The following ARHGAP20 variants were observed in gnomAD, a reference collection of about 807,000 sequenced individuals.
ARHGAP20 encodes the protein rho GTPase-activating protein 20.
In ARHGAP20, 34 loss-of-function variants were observed where a neutral mutation model predicts 73.7. That is an observed-to-expected ratio of 0.46 (90% confidence interval 0.35 to 0.61). The LOEUF (loss-of-function observed/expected upper bound fraction) is 0.61, where lower values mean the gene tolerates loss of function less well. Among genes scored for constraint, ARHGAP20 ranks in the 20% least tolerant of loss-of-function variants. The probability of loss-of-function intolerance (pLI) is 0.00; values close to 1 mark genes in which losing one functional copy is unlikely to be tolerated. For synonymous variants in ARHGAP20, 523 were observed against 518.2 expected (o/e 1.01, Z -0.13); for missense variants, 1,314 against 1,420.9 (o/e 0.92, Z 1.21).
chr11:110,629,672 G>A (rs940523471), intron 3 of ARHGAP20, among the ~76,000 whole-genome samples: 6 of 152,206 alleles, frequency 3.9e-5, no homozygotes, highest in East Asian at 1.9e-4. Context: ...ATTCTACACC[G>A]TTTCTTATAA....
At chr11:110,635,107 G>T (rs184906867) in intron 2 of ARHGAP20, among the ~76,000 whole-genome samples, 1 of 152,124 alleles carries the variant, frequency 6.6e-6, no homozygotes, top group Non-Finnish European at 1.5e-5. Flanking sequence ...TATGTTTCTT[G>T]GGTTTGAATA....
At chr11:110,648,158 T>C (rs1423680245) in intron 2 of ARHGAP20, among the ~76,000 whole-genome samples, 1 of 81,516 alleles carries the variant, frequency 1.2e-5, no homozygotes, top group Non-Finnish European at 2.6e-5. Context: ...ATATATAATA[T>C]ATATATATAT....
chr11:110,659,109 G>A (rs1216883326), intron 2 of ARHGAP20, among the ~76,000 whole-genome samples: 1 of 149,460 alleles, frequency 6.7e-6, no homozygotes, highest in African/African-American at 2.5e-5. Flanking sequence ...GGTATTTCCA[G>A]TTCTAGATCC....
At chr11:110,707,206 C>T (rs138153593) in intron 1 of ARHGAP20, among the ~76,000 whole-genome samples, 11 of 152,178 alleles carry the variant, frequency 7.2e-5, no homozygotes, top group African/African-American at 2.6e-4. Context: ...AACACTCATC[C>T]TATTTAAAGA....
Position 110,619,541 on chromosome 11 carries a change from G to A in ARHGAP20, c.504-3947C>T, listed in dbSNP as rs1188303732. 2.0e-5 allele frequency among the ~76,000 whole-genome samples: 3 copies of A among 151,450 alleles called. No homozygotes were observed. The East Asian group carries it at 5.9e-4, about 30-fold the overall frequency. ...TATGCAGTGATAGGGTATATGCAGT[G>A]ATAGAGTATATGCAGTGATAGAGTA... On this transcript the variant is annotated intron_variant, in intron 4 of 14. Coordinates refer to ENST00000683387, the MANE Select transcript of ARHGAP20 (RefSeq NM_001384657.1).
intron 1 of ARHGAP20, among the ~76,000 whole-genome samples, chr11:110,705,698 A>G (rs541801694): frequency 2.6e-5 from 4 of 152,268 alleles, no homozygotes; most frequent in African/African-American, 9.6e-5. Flanking sequence ...TTTCCTCCAG[A>G]CTCAGTGGAG....
chr11:110,625,508 A>AT (rs1948725170), intron 3 of ARHGAP20, among the ~76,000 whole-genome samples: 1 of 152,072 alleles, frequency 6.6e-6, no homozygotes, highest in African/African-American at 2.4e-5. Context: ...TTGTTCAACC[A>AT]TTTCCCCTTA....
At position 110,677,563 on chromosome 11, in the gene ARHGAP20, T is replaced by C. The variant is rs1163940264; in HGVS notation, c.188+12984A>G. On this transcript the variant is annotated intron_variant, in intron 2 of 14. Transcript: ENST00000683387. ...AGGAGGGTGAGGTGGGAAGATTGCT[T>C]GAGCCCAGGATTTTGAGGCTGAAGT... is the stretch of plus-strand genomic sequence containing the variant. 3.3e-5 allele frequency among the ~76,000 whole-genome samples: 5 copies of C among 152,256 alleles called. No individual in the cohort carries two copies. In the East Asian group the frequency reaches 9.6e-4, roughly 29 times the overall value.
At chr11:110,647,951 A>C (rs536547316) in intron 2 of ARHGAP20, among the ~76,000 whole-genome samples, 2 of 152,008 alleles carry the variant, frequency 1.3e-5, no homozygotes, top group South Asian at 4.1e-4. Flanking sequence ...TGTTGAAGTT[A>C]AGAATCCATT....
chr11:110,605,326 C>T (rs1250464131), intron 9 of ARHGAP20, among the ~76,000 whole-genome samples: 1 of 152,016 alleles, frequency 6.6e-6, no homozygotes, highest in Non-Finnish European at 1.5e-5. Flanking sequence ...CTCTTTTTGT[C>T]CAATAAAATG....
At chr11:110,660,416 T>C (rs761169456) in intron 2 of ARHGAP20, among the ~76,000 whole-genome samples, 10 of 152,184 alleles carry the variant, frequency 6.6e-5, no homozygotes, top group Non-Finnish European at 1.3e-4. Context: ...TGGTAAGCCA[T>C]GTGCTGAAAA....
intron 1 of ARHGAP20, among the ~76,000 whole-genome samples, chr11:110,698,720 A>G (rs1001218502): frequency 7.2e-5 from 11 of 151,930 alleles, no homozygotes; most frequent in African/African-American, 2.7e-4. Flanking sequence ...TGTTCACAGT[A>G]GTCTGTGATG....
At chr11:110,711,665 AGC>A (rs1565490970) in intron 1 of ARHGAP20, 9 of 1,464,816 alleles carry the variant, frequency 6.1e-6, no homozygotes, top group Non-Finnish European at 8.1e-6. Context: ...TACCTTCTTC[AGC>A]GCCGGCTGCC....
chr11:110,683,006 A>G (rs1950065285), intron 2 of ARHGAP20, among the ~76,000 whole-genome samples: 2 of 151,204 alleles, frequency 1.3e-5, no homozygotes, highest in Non-Finnish European at 3.0e-5. Flanking sequence ...ATTTAAAAGT[A>G]CCTAGCACAA....
Position 110,578,099 on chromosome 11 carries a change from A to G in ARHGAP20, c.*1271T>C. The G allele has an allele frequency of 1.0e-6, 1 of 985,474 alleles. No individual in the cohort carries two copies. The highest frequency in any genetic ancestry group is 1.2e-6 in the Non-Finnish European group (1 of 829,970). The allele number at this position is 985,474 out of a possible 1,614,324, so 61.0% of individuals were successfully genotyped here. ...ACTAGTTGGCAAGGCCTGATAATCT[A>G]TTCCTAGGTGACGAGATGTACTGCT... On this transcript the variant is annotated 3_prime_UTR_variant, in exon 15 of 15. Coordinates refer to ENST00000683387, the MANE Select transcript of ARHGAP20 (RefSeq NM_001384657.1).
intron 2 of ARHGAP20, among the ~76,000 whole-genome samples, chr11:110,648,224 T>C (rs12275903): frequency 0.15 from 7,691 of 51,662 alleles, 455 homozygotes; most frequent in African/African-American, 0.38. Flanking sequence ...TATATATGTA[T>C]ATATATATAT....
intron 2 of ARHGAP20, among the ~76,000 whole-genome samples, chr11:110,650,517 C>A (rs758070888): frequency 2.3e-4 from 35 of 152,248 alleles, no homozygotes; most frequent in Non-Finnish European, 4.7e-4. Flanking sequence ...GTAACTAACT[C>A]TCTTGAGTGG....
intron 2 of ARHGAP20, among the ~76,000 whole-genome samples, chr11:110,649,220 T>G (rs1367148438): frequency 1.4e-5 from 2 of 147,648 alleles, no homozygotes; most frequent in Non-Finnish European, 3.0e-5. Flanking sequence ...TTTTTTTTTT[T>G]TTTTGGAGGG....
intron 1 of ARHGAP20, among the ~76,000 whole-genome samples, chr11:110,696,165 C>G (rs376293780): frequency 2.4e-4 from 37 of 151,644 alleles, no homozygotes; most frequent in African/African-American, 8.2e-4. Context: ...TTTGGGGAGA[C>G]AGCAGAATTG....
Sources: allele counts gnomAD v4.1 joint callset (sites outside exome capture counted in the v4.1 genomes callset), GRCh38; gene constraint gnomAD v4.1.1; transcripts MANE v1.5; gene names NCBI Gene and HGNC (gene_info 2026-07-23, HGNC 2026-07-21).